INPP5D: variants seen among roughly 807,000 people sequenced by gnomAD.
INPP5D encodes phosphatidylinositol 3,4,5-trisphosphate 5-phosphatase 1.
Under a neutral mutation model 122.9 loss-of-function variants are expected in INPP5D, and 33 were observed. The ratio of observed to expected loss-of-function variants is 0.27; its 90% CI spans 0.20 to 0.36. The LOEUF is 0.36. Among genes scored for constraint, INPP5D ranks in the 10% least tolerant of loss-of-function variants. The pLI, the probability that INPP5D is intolerant of heterozygous loss-of-function variation, is 1.00. For missense variants in INPP5D, 1,053 were observed against 1,412.7 expected (o/e 0.75, Z 4.08); for synonymous variants, 584 against 576.2 (o/e 1.01, Z -0.19).
intron 1 of INPP5D, among the ~76,000 whole-genome samples, chr2:233,079,033 C>T (rs1371161598): frequency 6.6e-6 from 1 of 152,074 alleles, no homozygotes; most frequent in Non-Finnish European, 1.5e-5. Context: ...GTTAAGAAAG[C>T]CCCTCCATGT....
intron 2 of INPP5D, 147 bp from the exon 3 acceptor site, chr2:233,121,960 G>T (rs534959715): frequency 5.0e-5 from 41 of 816,792 alleles, no homozygotes; most frequent in Admixed American, 1.5e-4. Context: ...GGGCATGAGG[G>T]TCACACACCC....
At chr2:233,079,314 A>G (rs1291116972) in intron 1 of INPP5D, 21 bp from the exon 2 acceptor site, 1 of 1,526,146 alleles carries the variant, frequency 6.6e-7, no homozygotes, top group East Asian at 2.2e-5. Flanking sequence ...GGGTTCTAAT[A>G]AAGTCTTTGA....
rs185017450 is a variant in INPP5D at position 233,090,915 on chromosome 2, G to A, written c.198+11517G>A. Among the ~76,000 whole-genome samples, 29 of 150,648 alleles carry A rather than the reference G, an allele frequency of 1.9e-4. No individual in the cohort carries two copies. The East Asian group carries it at 3.5e-3, about 18-fold the overall frequency. On this transcript the variant is annotated intron_variant, in intron 2 of 26. Transcript: ENST00000445964. ...AGAGGCTGTAGTGAGCTGAGATCGC[G>A]CCACAACACTCTGGCCTGGGTGACA...
rs1694689550 is a variant in INPP5D at position 233,177,956 on chromosome 2, G to A, written c.2071+610G>A. ...TGAACCATATGAAAGTGTTTTTGTA[G>A]GTCAGAAATAGTTATTGGAAATTCA... On this transcript the variant is annotated intron_variant, in intron 18 of 26. Coordinates refer to ENST00000445964, the MANE Select transcript of INPP5D (RefSeq NM_001017915.3). The surrounding 1 kb of genome is among the most constrained non-coding windows in gnomAD (Gnocchi z 4.2). 6.6e-6 allele frequency among the ~76,000 whole-genome samples: 1 copy of A among 152,092 alleles called. No individual in the cohort carries two copies. Among genetic ancestry groups the A allele is most frequent in the Non-Finnish European group, 1.5e-5 (1 of 68,016 alleles).
chr2:233,195,244 CTT>C (rs1695151001), intron 23 of INPP5D, among the ~76,000 whole-genome samples, 153 bp from the exon 24 acceptor site: 1 of 152,184 alleles, frequency 6.6e-6, no homozygotes, highest in Non-Finnish European at 1.5e-5. Context: ...TCACTGAACT[CTT>C]AGGAGGCCTC....
At chr2:233,092,774 A>T (rs980766396) in intron 2 of INPP5D, among the ~76,000 whole-genome samples, 1 of 152,190 alleles carries the variant, frequency 6.6e-6, no homozygotes, top group Admixed American at 6.5e-5. Flanking sequence ...TTTATCCCTC[A>T]ATCTCCCGTC....
At chr2:233,161,670 T>C in intron 10 of INPP5D, 54 bp from the exon 11 acceptor site, 25 of 1,541,476 alleles carry the variant, frequency 1.6e-5, no homozygotes, top group Non-Finnish European at 2.2e-5. Context: ...TTGCAAAGTG[T>C]AATGTGCAGG....
At chr2:233,062,388 G>C (rs934245484) in intron 1 of INPP5D, among the ~76,000 whole-genome samples, 3 of 152,210 alleles carry the variant, frequency 2.0e-5, no homozygotes, top group African/African-American at 7.2e-5. Context: ...AGAGGCCTTG[G>C]AGAAGCTCTG....
chr2:233,175,108 C>T (rs776761169), intron 17 of INPP5D, among the ~76,000 whole-genome samples: 15 of 147,434 alleles, frequency 1.0e-4, no homozygotes, highest in Non-Finnish European at 2.1e-4. Context: ...ATCCCAGCTA[C>T]TCGGGAGGCT....
intron 1 of INPP5D, among the ~76,000 whole-genome samples, chr2:233,062,794 G>A (rs1343163467): frequency 1.3e-5 from 2 of 152,164 alleles, no homozygotes; most frequent in South Asian, 2.1e-4. Context: ...ACTGTAGGCC[G>A]TGGGTTGCTA....
rs532881963 is a variant in INPP5D, at chr2:233,155,246, T to C, written c.1031-3067T>C. On this transcript the variant is annotated intron_variant, in intron 9 of 26. Transcript: ENST00000445964. The stretch of plus-strand genomic sequence containing the variant: ...AGAACCCAATGGAAGAGTGGAAAGA[T>C]ACAGTTTAGAAAAGCTCCGAAAAGG... Among the ~76,000 whole-genome samples the C allele has an allele frequency of 1.3e-3, 193 of 152,128 alleles. 1 individual carries two copies. The highest frequency in any genetic ancestry group is 2.1e-3 in the Non-Finnish European group (140 of 67,990).
At chr2:233,134,432 G>A (rs1355846420) in intron 5 of INPP5D, among the ~76,000 whole-genome samples, 1 of 152,132 alleles carries the variant, frequency 6.6e-6, no homozygotes, top group East Asian at 1.9e-4. Flanking sequence ...GTTGAGAATG[G>A]CATCAATGAT....
intron 1 of INPP5D, among the ~76,000 whole-genome samples, chr2:233,075,607 G>A (rs149181581): frequency 0.011 from 1,680 of 152,280 alleles, 26 homozygotes; most frequent in African/African-American, 0.032. Context: ...ATATGTGTGT[G>A]TGTGTGTGTG....
Position 233,175,789 on chromosome 2 carries a change from T to A in INPP5D, c.1990-1476T>A, listed in dbSNP as rs529994817. On this transcript the variant is annotated intron_variant, in intron 17 of 26. Transcript: ENST00000445964. ...CCTCCACCTTCTGGGTTCAAGCGAT[T>A]CTCCTGCCTCAGCCTCCTGAGTAGC... Among the ~76,000 whole-genome samples, 382 of 152,176 alleles carry A rather than the reference T, an allele frequency of 2.5e-3. 5 individuals carry two copies. Among genetic ancestry groups the A allele is most frequent in the Non-Finnish European group, 1.8e-3 (123 of 68,006 alleles).
intron 1 of INPP5D, among the ~76,000 whole-genome samples, chr2:233,066,045 C>G (rs1262065280): frequency 6.6e-6 from 1 of 152,036 alleles, no homozygotes; most frequent in Non-Finnish European, 1.5e-5. Context: ...CTCACTGCAG[C>G]CTTGCTTGAT....
chr2:233,062,985 TA>T (rs541988646), intron 1 of INPP5D, among the ~76,000 whole-genome samples: 429 of 143,134 alleles, frequency 3.0e-3, no homozygotes, highest in Admixed American at 5.1e-3. Flanking sequence ...GGAAGGGCAT[TA>T]AAAAAAAAAA....
intron 17 of INPP5D, among the ~76,000 whole-genome samples, chr2:233,176,235 A>C (rs1694621319): frequency 6.6e-6 from 1 of 151,972 alleles, no homozygotes; most frequent in Non-Finnish European, 1.5e-5. Context: ...CTTGTCATAT[A>C]GTATTAATAG....
At position 233,082,031 on chromosome 2, in the gene INPP5D, C is replaced by G. The variant is rs1013435483; in HGVS notation, c.198+2633C>G. Among the ~76,000 whole-genome samples the G allele has an allele frequency of 6.6e-6, 1 of 152,158 alleles. No individual in the cohort carries two copies. Among genetic ancestry groups the G allele is most frequent in the Non-Finnish European group, 1.5e-5 (1 of 68,032 alleles). On this transcript the variant is annotated intron_variant, in intron 2 of 26. Coordinates refer to ENST00000445964, the MANE Select transcript of INPP5D (RefSeq NM_001017915.3). The surrounding 1 kb of genome is among the most constrained non-coding windows in gnomAD (Gnocchi z 4.7). ...CCTTAAGGTCTCCGCTTAGCCAGGACAGTGGGCGGGCAGCTTTCAGAGAAG... is the reference window on the plus strand; with the variant it reads ...CCTTAAGGTCTCCGCTTAGCCAGGAGAGTGGGCGGGCAGCTTTCAGAGAAG...
chr2:233,133,896 T>A, intron 5 of INPP5D: 2 of 445,938 alleles, frequency 4.5e-6, no homozygotes, highest in Non-Finnish European at 9.1e-6. Flanking sequence ...CTGTTTTGCT[T>A]CCTGCTGAGT....
Sources: allele counts gnomAD v4.1 joint callset (sites outside exome capture counted in the v4.1 genomes callset), GRCh38; gene constraint gnomAD v4.1.1; non-coding constraint Gnocchi (gnomAD v3.1); transcripts MANE v1.5; gene names NCBI Gene and HGNC (gene_info 2026-07-23, HGNC 2026-07-21).